The following CROCC variants were observed in gnomAD, a reference collection of about 807,000 sequenced individuals.
CROCC encodes rootletin.
CROCC carries 180 observed loss-of-function variants against 245.2 expected under a neutral mutation model. The observed-to-expected ratio is 0.73, with a 90% CI of 0.65 to 0.83. The LOEUF (loss-of-function observed/expected upper bound fraction) is 0.83, where lower values mean the gene tolerates loss of function less well. CROCC is among the 40% of genes least tolerant of loss of function. The pLI is 0.00. For missense variants in CROCC, 2,688 were observed against 2,779.4 expected, an observed-to-expected ratio of 0.97 and a Z score of 0.74; for synonymous variants, 1,205 against 1,241.6, an observed-to-expected ratio of 0.97 and a Z score of 0.62.
intron 1 of CROCC, among the ~76,000 whole-genome samples, chr1:16,914,365 G>A (rs1306977954): frequency 9.9e-5 from 15 of 152,242 alleles, no homozygotes; most frequent in Admixed American, 9.8e-4. Flanking sequence ...CGCGGGCCGG[G>A]GGCACGACAG....
intron 25 of CROCC, among the ~76,000 whole-genome samples, chr1:16,958,024 G>A (rs553331925): frequency 6.6e-6 from 1 of 152,160 alleles, no homozygotes; most frequent in African/African-American, 2.4e-5. Flanking sequence ...GGAAATAGGG[G>A]CTTAGAACAT....
In CROCC at chr1:16,924,581, G is replaced by A. The variant is rs2075489152; in HGVS notation, c.351+102G>A. The A allele has an allele frequency of 2.0e-6, 3 of 1,466,798 alleles. No individual in the cohort carries two copies. The Admixed American group carries it at 6.3e-5, about 31-fold the overall frequency. The allele number at this position is 1,466,798 out of a possible 1,614,324, so 90.9% of individuals were successfully genotyped here. ...CACACGGGGCAAAAGATGGGCCCTG[G>A]AGTCAGGTTGGCCTGGGCTTGGATT... On this transcript the variant is annotated intron_variant, in intron 3 of 36. Coordinates refer to ENST00000375541, the MANE Select transcript of CROCC (RefSeq NM_014675.5).
chr1:16,948,222 C>G, intron 17 of CROCC, 109 bp from the exon 18 acceptor site: 1 of 1,436,780 alleles, frequency 7.0e-7, no homozygotes, highest in Non-Finnish European at 9.1e-7. Context: ...ACCCTGGGCT[C>G]AAACCCAGGC....
In CROCC at chr1:16,939,126, G is replaced by A; in HGVS notation, c.1592G>A (p.Arg531His). ...CTGATCCACTCCGCCCTGCACAAGCGCCAGCTGCAGGTCCAGGTAGGAAGG... is the reference window on the plus strand; with the variant it reads ...CTGATCCACTCCGCCCTGCACAAGCACCAGCTGCAGGTCCAGGTAGGAAGG... ...LALIHSALHK[R>H]QLQVQDMRGR... Residue 531 changes from arginine to histidine, a missense_variant, in exon 12 of 37, where the codon CGC becomes CAC. Physicochemically the swap from Arg to His is conservative, Grantham distance 29 (BLOSUM62 0). Transcript: ENST00000375541. 4 of 1,526,354 alleles carry A rather than the reference G, an allele frequency of 2.6e-6. No homozygotes were observed. The highest frequency in any genetic ancestry group is 2.4e-5 in the East Asian group (1 of 41,522). 94.6% of individuals were successfully genotyped at this position (1,526,354 alleles called of 1,614,324 possible).
intron 8 of CROCC, among the ~76,000 whole-genome samples, chr1:16,933,564 G>A (rs1245608341): frequency 1.3e-5 from 2 of 152,232 alleles, no homozygotes; most frequent in Non-Finnish European, 2.9e-5. Context: ...TGTTTGCTTT[G>A]TCTTTTTTTT....
intron 12 of CROCC, among the ~76,000 whole-genome samples, chr1:16,939,386 G>A (rs1186802216): frequency 6.6e-6 from 1 of 152,238 alleles, no homozygotes; most frequent in Non-Finnish European, 1.5e-5. Context: ...GCAGCTGGGG[G>A]TGGGTGCTTG....
rs1445080583 is a variant in CROCC at position 16,955,988 on chromosome 1, C to T, written c.3705-9C>T. The T allele has an allele frequency of 4.5e-6, 7 of 1,549,802 alleles. No homozygotes were observed. The highest frequency in any genetic ancestry group is 3.9e-5 in the Admixed American group (2 of 50,984). On this transcript the variant is annotated splice_polypyrimidine_tract_variant and intron_variant, in intron 24 of 36. Transcript: ENST00000375541. ...ACCCAGGGCAGCCCCTGACCTCTGC[C>T]CTCTCCAGCCTGAAGCTTGCCAATG... is the stretch of plus-strand genomic sequence containing the variant.
chr1:16,951,987 G>A (rs564756934), intron 20 of CROCC: 1 of 152,126 alleles, frequency 6.6e-6, no homozygotes, highest in East Asian at 1.9e-4. Flanking sequence ...CACTTTCTGG[G>A]TTCAAGCGAT....
intron 20 of CROCC, chr1:16,951,386 G>T: frequency 3.3e-6 from 1 of 307,370 alleles, no homozygotes; most frequent in Non-Finnish European, 6.0e-6. Context: ...CTAATGTACA[G>T]CAGGAAAGCA....
chr1:16,935,172 T>G (rs1168883476), intron 8 of CROCC, among the ~76,000 whole-genome samples: 1 of 152,268 alleles, frequency 6.6e-6, no homozygotes, highest in Non-Finnish European at 1.5e-5. Context: ...AGTGCTGGGA[T>G]TACAGGCATG....
chr1:16,946,140 C>T (rs1437409836), intron 15 of CROCC, 119 bp from the exon 16 acceptor site: 9 of 1,156,144 alleles, frequency 7.8e-6, no homozygotes, highest in Non-Finnish European at 1.1e-5. Flanking sequence ...ACACTGTGTC[C>T]CCTCCTTGTC....
intron 26 of CROCC, among the ~76,000 whole-genome samples, chr1:16,959,442 G>T (rs762889122): frequency 1.2e-4 from 18 of 152,278 alleles, no homozygotes; most frequent in Admixed American, 4.6e-4. Flanking sequence ...GCCTTTTCCG[G>T]CTGTTTCATT....
At chr1:16,937,776 TGG>T (rs748646699) in intron 10 of CROCC, 39 bp downstream of exon 10, 7 of 1,542,122 alleles carry the variant, frequency 4.5e-6, no homozygotes, top group Admixed American at 1.7e-5. Flanking sequence ...CAGGGTGAGA[TGG>T]GGTACCGGCC....
intron 13 of CROCC, among the ~76,000 whole-genome samples, chr1:16,942,172 GC>G (rs2075948201): frequency 1.3e-5 from 2 of 152,226 alleles, no homozygotes; most frequent in Non-Finnish European, 2.9e-5. Context: ...CACCACGCCT[GC>G]CTAATTTTTC....
chr1:16,956,267 C>A, intron 25 of CROCC, 111 bp downstream of exon 25: 2 of 1,149,820 alleles, frequency 1.7e-6, no homozygotes, highest in Non-Finnish European at 2.4e-6. Context: ...GGGGCTTGAA[C>A]TATGACAAGC....
At chr1:16,952,245 G>A (rs1172108122) in intron 20 of CROCC, among the ~76,000 whole-genome samples, 1 of 151,066 alleles carries the variant, frequency 6.6e-6, no homozygotes, top group Non-Finnish European at 1.5e-5. Flanking sequence ...AGCACTTTGG[G>A]AGGCCGAGGT....
At chr1:16,945,269 C>T (rs1436764008) in intron 14 of CROCC, among the ~76,000 whole-genome samples, 193 bp from the exon 15 acceptor site, 4 of 152,284 alleles carry the variant, frequency 2.6e-5, no homozygotes, top group Non-Finnish European at 5.9e-5. Context: ...AGTGTTACCT[C>T]ATTTTGCAGA....
In CROCC at chr1:16,954,969, G is replaced by T; in HGVS notation, c.3465+92G>T. Reference sequence around the variant, plus strand: ...TCCCCAGGGCCCCAGAAGAGTGTAAGATTCCTCCCTGCATTTGAGGACCAA... The same window carrying T: ...TCCCCAGGGCCCCAGAAGAGTGTAATATTCCTCCCTGCATTTGAGGACCAA... On this transcript the variant is annotated intron_variant, in intron 23 of 36. Transcript: ENST00000375541. This position sits in a 1 kb window ranked among gnomAD's most constrained non-coding sequence, Gnocchi z 4.4. 7.2e-7 allele frequency: 1 copy of T among 1,398,160 alleles called. No homozygotes were observed. 86.6% of individuals were successfully genotyped at this position (1,398,160 alleles called of 1,614,324 possible). A position where few individuals can be genotyped will look rare whatever the true frequency, so the allele number is the denominator to read the frequency against.
intron 19 of CROCC, among the ~76,000 whole-genome samples, chr1:16,949,880 C>T (rs2076130294): frequency 6.6e-6 from 1 of 151,982 alleles, no homozygotes; most frequent in Admixed American, 6.6e-5. Context: ...AGCGATTCTC[C>T]TGCCTCAGCC....
Sources: allele counts gnomAD v4.1 joint callset (sites outside exome capture counted in the v4.1 genomes callset), GRCh38; gene constraint gnomAD v4.1.1; non-coding constraint Gnocchi (gnomAD v3.1); transcripts MANE v1.5; gene names NCBI Gene and HGNC (gene_info 2026-07-23, HGNC 2026-07-21).